WRAP53: variants seen among roughly 807,000 people sequenced by gnomAD.
The protein encoded by WRAP53 is telomerase Cajal body protein 1.
Under a neutral mutation model 56.6 loss-of-function variants are expected in WRAP53, and 28 were observed. The ratio of observed to expected loss-of-function variants is 0.50; its 90% CI spans 0.37 to 0.68. The LOEUF (loss-of-function observed/expected upper bound fraction) is 0.68, where lower values mean the gene tolerates loss of function less well. WRAP53 is among the 30% of genes least tolerant of loss of function. WRAP53 has a pLI of 0.00. For synonymous variants in WRAP53, 283 were observed against 283.4 expected, an observed-to-expected ratio of 1.00 and a Z score of 0.01; for missense variants, 671 against 715.5, an observed-to-expected ratio of 0.94 and a Z score of 0.71.
At chr17:7,691,819 C>G (rs930323109) in intron 4 of WRAP53, among the ~76,000 whole-genome samples, 1 of 150,370 alleles carries the variant, frequency 6.7e-6, no homozygotes, top group Non-Finnish European at 1.5e-5. Flanking sequence ...GCCACCATGC[C>G]AGGCCATGAG....
At chr17:7,687,525 T>G (rs1186414124), upstream of WRAP53, 3 of 398,478 alleles carry the variant, frequency 7.5e-6, no homozygotes, top group African/African-American at 2.1e-5. Flanking sequence ...CTTGAGCACA[T>G]GGGAGGGGAA....
intron 4 of WRAP53, among the ~76,000 whole-genome samples, chr17:7,698,173 CA>C (rs2074211557): frequency 1.3e-5 from 2 of 152,238 alleles, no homozygotes; most frequent in African/African-American, 4.8e-5. Context: ...ACAAAGTTTG[CA>C]AAGTGCATAG....
At position 7,702,621 on chromosome 17, in the gene WRAP53, T is replaced by C. The variant is rs2074290603; in HGVS notation, c.1164+69T>C. The C allele has an allele frequency of 1.3e-6, 2 of 1,593,316 alleles. No homozygotes were observed. Among genetic ancestry groups the C allele is most frequent in the Non-Finnish European group, 1.7e-6 (2 of 1,173,650 alleles). ...GCAGGAGCAGGGATGTAGTCTGCAG[T>C]GTAGGGGAATGGGTGGGGATGGGGA... On this transcript the variant is annotated intron_variant, in intron 8 of 10. Transcript: ENST00000396463. This position sits in a 1 kb window ranked among gnomAD's most constrained non-coding sequence, Gnocchi z 5.0.
chr17:7,699,486 A>ATATATATT (rs2074237589), intron 4 of WRAP53, among the ~76,000 whole-genome samples: 2 of 14,448 alleles, frequency 1.4e-4, no homozygotes, highest in African/African-American at 3.1e-4. Context: ...TTATATATAT[A>ATATATATT]TATATATATA....
intron 4 of WRAP53, 63 bp from the exon 5 acceptor site, chr17:7,700,678 A>G (rs1346707597): frequency 8.9e-7 from 1 of 1,122,262 alleles, no homozygotes; most frequent in East Asian, 2.4e-5. Context: ...ACACTGCTAG[A>G]GGCACGCGCC....
intron 4 of WRAP53, among the ~76,000 whole-genome samples, chr17:7,697,542 C>G (rs1318003227): frequency 2.0e-5 from 3 of 151,632 alleles, no homozygotes; most frequent in Non-Finnish European, 4.4e-5. Flanking sequence ...GCCTGTGGTC[C>G]CGGCTCCTTG....
intron 4 of WRAP53, among the ~76,000 whole-genome samples, chr17:7,697,548 C>T (rs1260360847): frequency 6.6e-6 from 1 of 150,564 alleles, no homozygotes; most frequent in East Asian, 2.0e-4. Context: ...GGTCCCGGCT[C>T]CTTGGGAGGC....
intron 4 of WRAP53, among the ~76,000 whole-genome samples, chr17:7,692,746 CTTTTTTTTTTTT>C (rs1177019881): frequency 3.1e-5 from 3 of 98,066 alleles, no homozygotes; most frequent in East Asian, 5.5e-4. Flanking sequence ...GGTCATTCTC[CTTTTTTTTTTTT>C]TTTTTTTTTT....
At chr17:7,689,520 A>G in intron 3 of WRAP53, 70 bp from the exon 4 acceptor site, 1 of 1,479,288 alleles carries the variant, frequency 6.8e-7, no homozygotes, top group Non-Finnish European at 9.4e-7. Context: ...CCCCAGAGGC[A>G]GGCTCAGCCC....
chr17:7,687,867 T>C (rs547874294), upstream of WRAP53: 44 of 359,872 alleles, frequency 1.2e-4, no homozygotes, highest in East Asian at 1.8e-3. Context: ...TGTCATTTTT[T>C]AGGAAGGCTT....
intron 4 of WRAP53, among the ~76,000 whole-genome samples, chr17:7,695,634 T>C (rs1418538097): frequency 2.0e-5 from 3 of 152,148 alleles, no homozygotes; most frequent in Admixed American, 2.0e-4. Context: ...TGATTCTCTC[T>C]CCCGCTGACG....
intron 4 of WRAP53, among the ~76,000 whole-genome samples, chr17:7,699,502 T>TTTTA (rs1555530501): frequency 5.1e-4 from 6 of 11,758 alleles, no homozygotes; most frequent in Middle Eastern, 0.038. Flanking sequence ...ATATATATAT[T>TTTTA]TATATATATA....
intron 3 of WRAP53, 96 bp downstream of exon 3, chr17:7,689,418 G>A: frequency 7.3e-7 from 1 of 1,364,422 alleles, no homozygotes; most frequent in Non-Finnish European, 1.0e-6. Flanking sequence ...AGAGCTGGGA[G>A]AAGCGGCACG....
intron 5 of WRAP53, 44 bp downstream of exon 5, chr17:7,700,873 T>G: frequency 7.0e-7 from 1 of 1,438,510 alleles, no homozygotes; most frequent in East Asian, 2.3e-5. Flanking sequence ...ACCACCCAGT[T>G]TCAAGCAGGG....
At chr17:7,698,156 G>A (rs1242362734) in intron 4 of WRAP53, among the ~76,000 whole-genome samples, 8 of 152,134 alleles carry the variant, frequency 5.3e-5, no homozygotes, top group Admixed American at 1.3e-4. Flanking sequence ...TGACATTATA[G>A]TATCTTACAA....
intron 4 of WRAP53, among the ~76,000 whole-genome samples, chr17:7,698,862 C>T (rs1005816673): frequency 1.3e-5 from 2 of 148,702 alleles, no homozygotes; most frequent in Non-Finnish European, 3.0e-5. Flanking sequence ...GGCGACAGAG[C>T]GAGACTCCGT....
Position 7,700,723 on chromosome 17 carries a change from T to C in WRAP53, c.643-18T>C, listed in dbSNP as rs757234887. On this transcript the variant is annotated intron_variant, in intron 4 of 10. Transcript: ENST00000396463. ...TTTTCCCTCCGAGTGACTCAGCCAT[T>C]CCCCCGTCTCTGTATAGGTCCCTGT... 6.3e-7 allele frequency: 1 copy of C among 1,594,484 alleles called. No individual in the cohort carries two copies. Among genetic ancestry groups the C allele is most frequent in the Non-Finnish European group, 8.6e-7 (1 of 1,162,890 alleles).
Position 7,688,694 on chromosome 17 carries a change from T to G in WRAP53, c.46T>G (p.Ser16Ala), listed in dbSNP as rs150282629. 39 of 1,614,070 alleles carry G rather than the reference T, an allele frequency of 2.4e-5. No individual in the cohort carries two copies. The African/African-American group carries it at 5.2e-4, about 22-fold the overall frequency. The change falls in exon 2 of 11, where the codon TCA (serine) becomes GCA (alanine). Residue 16 changes from serine to alanine, a missense_variant. Physicochemically the swap from Ser to Ala is moderately conservative, Grantham distance 99. Transcript: ENST00000396463. ...TQPLAPDCCP[S>A]DQDPAPAHPS... ...ACCGTTAGCTCCGGACTGCTGTCCT[T>G]CAGACCAGGACCCAGCTCCAGCCCA...
chr17:7,703,287 G>C lies in WRAP53; in HGVS notation c.1448G>C (p.Arg483Pro). 2 of 1,613,852 alleles carry C rather than the reference G, an allele frequency of 1.2e-6. No individual in the cohort carries two copies. Among genetic ancestry groups the C allele is most frequent in the Non-Finnish European group, 1.7e-6 (2 of 1,180,014 alleles). ...LPLLATASGQ[R>P]VFPEPTESGD... ...CTCCTGGCCACTGCCTCCGGTCAGCGTGTGTTTCCTGAGCCCACAGAGAGT... is the reference window on the plus strand; with the variant it reads ...CTCCTGGCCACTGCCTCCGGTCAGCCTGTGTTTCCTGAGCCCACAGAGAGT... Residue 483 changes from arginine to proline, a missense_variant, in exon 11 of 11, where the codon CGT becomes CCT. Around this residue, in one of 3 missense-constraint regions of WRAP53, gnomAD observed 158 missense variants for 215.7 expected, o/e 0.73. Transcript: ENST00000396463.
Sources: allele counts gnomAD v4.1 joint callset (sites outside exome capture counted in the v4.1 genomes callset), GRCh38; gene constraint gnomAD v4.1.1; regional missense constraint gnomAD v4.1.1; non-coding constraint Gnocchi (gnomAD v3.1); transcripts MANE v1.5; gene names NCBI Gene and HGNC (gene_info 2026-07-23, HGNC 2026-07-21).